SLC25A45: variants seen among roughly 807,000 people sequenced by gnomAD.
The protein encoded by SLC25A45 is methylated amino-acid transporter SLC25A45.
In SLC25A45, 22 loss-of-function variants were observed where a neutral mutation model predicts 23.0. The ratio of observed to expected loss-of-function variants is 0.95; its 90% confidence interval spans 0.68 to 1.36. The LOEUF is 1.36. Ranked by LOEUF, SLC25A45 falls within the 40% of genes most tolerant of loss-of-function variation. The pLI, the probability that SLC25A45 is intolerant of heterozygous loss-of-function variation, is 0.00. For synonymous variants in SLC25A45, 136 were observed against 155.0 expected, an observed-to-expected ratio of 0.88 and a Z score of 0.91; for missense variants, 355 against 383.5, an observed-to-expected ratio of 0.93 and a Z score of 0.62.
chr11:65,377,878 G>A (rs1855301149), intron 5 of SLC25A45: 1 of 152,284 alleles, frequency 6.6e-6, no homozygotes, highest in African/African-American at 2.4e-5. Context: ...GTCTCTGAGG[G>A]ATTTATCTGT....
chr11:65,378,210 C>G (rs1354321185), intron 5 of SLC25A45: 2 of 152,180 alleles, frequency 1.3e-5, no homozygotes, highest in African/African-American at 2.4e-5. Flanking sequence ...GACACCCCCA[C>G]AGGGGTGGTG....
rs979629775 is a variant in SLC25A45, at chr11:65,382,446, G to A, written c.-19+40C>T. Reference sequence around the variant, plus strand: ...AGGCCCAGCCCGCATTTGCCGCTGCGTGGCAGGGTGGGGAGGAGCCACTCC... The same window carrying A: ...AGGCCCAGCCCGCATTTGCCGCTGCATGGCAGGGTGGGGAGGAGCCACTCC... On this transcript the variant is annotated intron_variant, in intron 1 of 6. Transcript: ENST00000398802. This position sits in a 1 kb window ranked among gnomAD's most constrained non-coding sequence, Gnocchi z 4.4. 5 of 183,040 alleles carry A rather than the reference G, an allele frequency of 2.7e-5. No homozygotes were observed. Among genetic ancestry groups the A allele is most frequent in the African/African-American group, 4.6e-5 (2 of 43,098 alleles). The allele number at this position is 183,040 out of a possible 1,614,324, so 11.3% of individuals were successfully genotyped here.
chr11:65,379,142 T>C (rs1211513619), intron 5 of SLC25A45: 1 of 542,566 alleles, frequency 1.8e-6, no homozygotes, highest in African/African-American at 1.9e-5. Flanking sequence ...CCAGGCTGCT[T>C]CTCCCAGCAC....
intron 5 of SLC25A45, chr11:65,377,365 G>A: frequency 7.9e-7 from 1 of 1,271,626 alleles, no homozygotes; most frequent in Non-Finnish European, 9.9e-7. Flanking sequence ...AACAAGCCTG[G>A]ATTCTTTTTG....
In SLC25A45 at chr11:65,376,069, CAAAAAAAAAAAA is replaced by C. The variant is rs35193480; in HGVS notation, c.*326_*337del. The C allele has an allele frequency of 8.3e-5, 9 of 108,710 alleles. No homozygotes were observed. The highest frequency in any genetic ancestry group is 4.5e-4 in the African/African-American group (9 of 19,940). The allele number at this position is 108,710 out of a possible 1,614,324, so 6.7% of individuals were successfully genotyped here. A position where few individuals can be genotyped will look rare whatever the true frequency, so the allele number is the denominator to read the frequency against. Reference sequence around the variant, plus strand: ...TGGGTGACAGAGAAAGACTCCATCTCAAAAAAAAAAAAAAAAAAAAAAAGAGGTGAAGGCACA... The same window carrying C: ...TGGGTGACAGAGAAAGACTCCATCTCAAAAAAAAAAAGAGGTGAAGGCACA... On this transcript the variant is annotated 3_prime_UTR_variant, in exon 7 of 7. Coordinates refer to ENST00000398802, the MANE Select transcript of SLC25A45 (RefSeq NM_182556.4).
At chr11:65,377,301 C>T in intron 5 of SLC25A45, 1 of 1,391,742 alleles carries the variant, frequency 7.2e-7, no homozygotes, top group Non-Finnish European at 9.3e-7. Flanking sequence ...GAGTGAGAGG[C>T]ACTGCCCCTC....
rs879008907 is a variant in SLC25A45, at chr11:65,382,149, G to A, written c.-18-180C>T. Reference sequence around the variant, plus strand: ...TTCCGGTGACCCTGGCCACCTGGAGGAGTCGTGCAGAGTACAGTCTCACGG... The same window carrying A: ...TTCCGGTGACCCTGGCCACCTGGAGAAGTCGTGCAGAGTACAGTCTCACGG... On this transcript the variant is annotated intron_variant, in intron 1 of 6. Coordinates refer to ENST00000398802, the MANE Select transcript of SLC25A45 (RefSeq NM_182556.4). This position sits in a 1 kb window ranked among gnomAD's most constrained non-coding sequence, Gnocchi z 4.4. The A allele has an allele frequency of 6.5e-6, 4 of 618,950 alleles. No individual in the cohort carries two copies. The South Asian group carries it at 7.1e-5, about 11-fold the overall frequency. The allele number at this position is 618,950 out of a possible 1,614,324, so 38.3% of individuals were successfully genotyped here. A position where few individuals can be genotyped will look rare whatever the true frequency, so the allele number is the denominator to read the frequency against.
intron 5 of SLC25A45, chr11:65,378,809 C>T (rs1050405006): frequency 7.1e-5 from 11 of 153,876 alleles, no homozygotes; most frequent in African/African-American, 2.7e-4. Context: ...CAGCTGGTCC[C>T]TCTTCCCTCC....
rs900677915 is a variant in SLC25A45 at position 65,376,228 on chromosome 11, C to A, written c.*179G>T. ...GCTACACAGGGAGGCTGCACAGGCC[C>A]CCTGGCTTCCGGCTCCCACAGGTGT... On this transcript the variant is annotated 3_prime_UTR_variant, in exon 7 of 7. Coordinates refer to ENST00000398802, the MANE Select transcript of SLC25A45 (RefSeq NM_182556.4). 3.3e-5 allele frequency: 23 copies of A among 694,276 alleles called. No homozygotes were observed. In the South Asian group the frequency reaches 4.2e-4, roughly 13 times the overall value. 43.0% of individuals were successfully genotyped at this position (694,276 alleles called of 1,614,324 possible).
Position 65,376,223 on chromosome 11 carries a change from A to T in SLC25A45, c.*184T>A. The T allele has an allele frequency of 1.5e-6, 1 of 664,762 alleles. No individual in the cohort carries two copies. Among genetic ancestry groups the T allele is most frequent in the Non-Finnish European group, 2.5e-6 (1 of 399,964 alleles). 41.2% of individuals were successfully genotyped at this position (664,762 alleles called of 1,614,324 possible). On this transcript the variant is annotated 3_prime_UTR_variant, in exon 7 of 7. Transcript: ENST00000398802. Reference sequence around the variant, plus strand: ...GGCCAGCTACACAGGGAGGCTGCACAGGCCCCCTGGCTTCCGGCTCCCACA... The same window carrying T: ...GGCCAGCTACACAGGGAGGCTGCACTGGCCCCCTGGCTTCCGGCTCCCACA...
chr11:65,381,655 A>C, intron 2 of SLC25A45: 1 of 457,172 alleles, frequency 2.2e-6, no homozygotes, highest in South Asian at 2.1e-5. Context: ...GCAGCCTTGA[A>C]CTCCTGAGCT....
intron 4 of SLC25A45, 112 bp downstream of exon 4, chr11:65,379,755 A>G: frequency 7.0e-7 from 1 of 1,431,984 alleles, no homozygotes; most frequent in Non-Finnish European, 9.7e-7. Context: ...AGGATCCCAG[A>G]CTTGGTCTTC....
Position 65,376,504 on chromosome 11 carries a change from A to T in SLC25A45, c.770T>A (p.Val257Asp). The change falls in exon 7 of 7, where the codon GTC (valine) becomes GAC (aspartate). Residue 257 changes from valine (V) to aspartate (D), a missense_variant. By Grantham distance (152) the Val-to-Asp change is radical. Coordinates refer to ENST00000398802, the MANE Select transcript of SLC25A45 (RefSeq NM_182556.4). ...VSSIRQEGLG[V>D]FFRGVTINSA... Reference sequence around the variant, plus strand: ...GTTGATGGTGACCCCCCGGAAGAAGACTCCCAGTCCTTCCTGCCGGATGCT... The same window carrying T: ...GTTGATGGTGACCCCCCGGAAGAAGTCTCCCAGTCCTTCCTGCCGGATGCT... 1 of 1,613,890 alleles carries T rather than the reference A, an allele frequency of 6.2e-7. No homozygotes were observed. Among genetic ancestry groups the T allele is most frequent in the East Asian group, 2.2e-5 (1 of 44,884 alleles).
Position 65,380,192 on chromosome 11 carries a change from G to A in SLC25A45, c.38-17C>T. 6.2e-7 allele frequency: 1 copy of A among 1,614,166 alleles called. No individual in the cohort carries two copies. Among genetic ancestry groups the A allele is most frequent in the South Asian group, 1.1e-5 (1 of 91,086 alleles). Reference sequence around the variant, plus strand: ...CCAGAGCGCCTGTGGTGACAAGAGGGTGCTATGAGTGAGGGCCCTCGTGCC... The same window carrying A: ...CCAGAGCGCCTGTGGTGACAAGAGGATGCTATGAGTGAGGGCCCTCGTGCC... On this transcript the variant is annotated splice_polypyrimidine_tract_variant and intron_variant, in intron 2 of 6. Coordinates refer to ENST00000398802, the MANE Select transcript of SLC25A45 (RefSeq NM_182556.4).
At chr11:65,377,328 C>T in intron 5 of SLC25A45, 1 of 1,358,432 alleles carries the variant, frequency 7.4e-7, no homozygotes, top group South Asian at 1.8e-5. Context: ...CAGTGACCAA[C>T]TTGCCTGGCC....
At chr11:65,379,318 A>G in intron 5 of SLC25A45, 58 bp downstream of exon 5, 1 of 1,583,688 alleles carries the variant, frequency 6.3e-7, no homozygotes, top group South Asian at 1.1e-5. Flanking sequence ...GTGGGAGAGG[A>G]CAGATCGAGA....
At position 65,379,522 on chromosome 11, in the gene SLC25A45, T is replaced by C; in HGVS notation, c.193A>G (p.Ser65Gly). 6.2e-7 allele frequency: 1 copy of C among 1,612,914 alleles called. No individual in the cohort carries two copies. The highest frequency in any genetic ancestry group is 1.7e-4 in the Middle Eastern group (1 of 6,060). ...AGGACAGAGTTGACCACAGCTATGC[T>C]GGCAATGGGGAAGCTCATTCCCTTG... is the stretch of plus-strand genomic sequence containing the variant. ...FFKGMSFPIA[S>G]IAVVNSVLFG... is the part of the protein sequence containing the mutation. Residue 65 changes from serine to glycine, a missense_variant, in exon 5 of 7, where the codon AGC (serine) becomes GGC (glycine). Ser to Gly is a moderately conservative substitution (Grantham distance 56). Coordinates refer to ENST00000398802, the MANE Select transcript of SLC25A45 (RefSeq NM_182556.4).
At chr11:65,379,999 C>T in intron 3 of SLC25A45, 61 bp from the exon 4 acceptor site, 2 of 1,605,534 alleles carry the variant, frequency 1.2e-6, no homozygotes, top group Non-Finnish European at 8.5e-7. Context: ...ACCTTTCCCT[C>T]TGCCCCCTCA....
Position 65,382,096 on chromosome 11 carries a change from C to T in SLC25A45, c.-18-127G>A, listed in dbSNP as rs1321824698. On this transcript the variant is annotated intron_variant, in intron 1 of 6. Transcript: ENST00000398802. This position sits in a 1 kb window ranked among gnomAD's most constrained non-coding sequence, Gnocchi z 4.4. Reference sequence around the variant, plus strand: ...AGAATTGGCCTGGTGCCCAGACCTCCGGCAACTGGCAGAGGAGAGCGAGCC... The same window carrying T: ...AGAATTGGCCTGGTGCCCAGACCTCTGGCAACTGGCAGAGGAGAGCGAGCC... 21 of 727,164 alleles carry T rather than the reference C, an allele frequency of 2.9e-5. No individual in the cohort carries two copies. The highest frequency in any genetic ancestry group is 3.9e-5 in the Non-Finnish European group (16 of 412,098). The allele number at this position is 727,164 out of a possible 1,614,324, so 45.0% of individuals were successfully genotyped here.
Sources: gnomAD v4.1 joint callset for allele counts on GRCh38, gnomAD v4.1.1 for gene constraint, Gnocchi (gnomAD v3.1) non-coding constraint, MANE v1.5 for transcripts, NCBI Gene and HGNC (gene_info 2026-07-23, HGNC 2026-07-21) for gene names.